The following RIMS1 variants were observed in gnomAD, a reference collection of about 807,000 sequenced individuals.
RIMS1 encodes regulating synaptic membrane exocytosis 1.
RIMS1 carries 83 observed loss-of-function variants against 214.1 expected under a neutral mutation model. The observed-to-expected ratio is 0.39, with a 90% CI of 0.32 to 0.47. The LOEUF (loss-of-function observed/expected upper bound fraction) is 0.47. RIMS1 is among the 20% of genes least tolerant of loss of function. The pLI is 0.99. For synonymous variants in RIMS1, 793 were observed against 786.8 expected, an observed-to-expected ratio of 1.01 and a Z score of -0.13; for missense variants, 2,050 against 2,161.8, an observed-to-expected ratio of 0.95 and a Z score of 1.03.
intron 2 of RIMS1, among the ~76,000 whole-genome samples, chr6:72,021,253 A>G (rs1814585068): frequency 6.6e-6 from 1 of 152,210 alleles, no homozygotes; most frequent in South Asian, 2.1e-4. Context: ...TTCTGTTGAA[A>G]TTAAAGAATT....
intron 2 of RIMS1, among the ~76,000 whole-genome samples, chr6:72,050,927 C>T (rs192307586): frequency 9.9e-5 from 15 of 152,220 alleles, no homozygotes; most frequent in Admixed American, 9.2e-4. Flanking sequence ...GCCCCTTTCT[C>T]CAGTTCCAAT....
Position 72,320,708 on chromosome 6 carries a change from A to G in RIMS1, c.4130+7036A>G, listed in dbSNP as rs558752154. Among the ~76,000 whole-genome samples, 5 of 152,124 alleles carry G rather than the reference A, an allele frequency of 3.3e-5. No homozygotes were observed. The East Asian group carries it at 9.6e-4, about 29-fold the overall frequency. On this transcript the variant is annotated intron_variant, in intron 28 of 33. Transcript: ENST00000521978. ...ATATTATGTTTATTATACACTTGGT[A>G]TATGAGATAAATACTTATTATTGTT... is the stretch of plus-strand genomic sequence containing the variant.
chr6:71,905,687 G>A (rs748425666), intron 1 of RIMS1, among the ~76,000 whole-genome samples: 7 of 152,140 alleles, frequency 4.6e-5, no homozygotes, highest in Non-Finnish European at 1.0e-4. Flanking sequence ...GGATTTGAGT[G>A]AGAAGAGCGT....
intron 2 of RIMS1, among the ~76,000 whole-genome samples, chr6:72,009,623 T>C (rs1167969539): frequency 6.7e-6 from 1 of 148,650 alleles, no homozygotes; most frequent in African/African-American, 2.5e-5. Context: ...ATAGACTCAA[T>C]AAAAAAATGA....
rs1390205602 is a variant in RIMS1, at chr6:72,259,118, G to C, written c.3053+7G>C. 1 of 1,610,038 alleles carries C rather than the reference G, an allele frequency of 6.2e-7. No individual in the cohort carries two copies. Among genetic ancestry groups the C allele is most frequent in the African/African-American group, 1.3e-5 (1 of 74,892 alleles). On this transcript the variant is annotated splice_region_variant and intron_variant, in intron 18 of 33. Coordinates refer to ENST00000521978, the MANE Select transcript of RIMS1 (RefSeq NM_014989.7). ...ATTTATCAGAACAAGACAGGTATTT[G>C]TCAAAATTATGATCTCAACGTTATG... is the stretch of plus-strand genomic sequence containing the variant.
At chr6:72,279,363 T>A (rs1461897446) in intron 23 of RIMS1, among the ~76,000 whole-genome samples, 2 of 152,036 alleles carry the variant, frequency 1.3e-5, no homozygotes, top group Admixed American at 6.6e-5. Context: ...CTAGCTTTGA[T>A]TTAATAATAA....
At chr6:72,292,283 A>G (rs577075175) in intron 26 of RIMS1, among the ~76,000 whole-genome samples, 2 of 152,260 alleles carry the variant, frequency 1.3e-5, no homozygotes, top group Admixed American at 6.5e-5. Context: ...ATTTAACAGA[A>G]GGGATTTAGG....
At position 72,144,570 on chromosome 6, in the gene RIMS1, A is replaced by ATTTGGG. The variant is rs569460348; in HGVS notation, c.472-35003_472-34998dup. Among the ~76,000 whole-genome samples, 435 of 151,988 alleles carry ATTTGGG rather than the reference A, an allele frequency of 2.9e-3. 2 individuals carry two copies. The highest frequency in any genetic ancestry group is 3.8e-3 in the Non-Finnish European group (259 of 67,952). On this transcript the variant is annotated intron_variant, in intron 4 of 33. Coordinates refer to ENST00000521978, the MANE Select transcript of RIMS1 (RefSeq NM_014989.7). The stretch of plus-strand genomic sequence containing the variant: ...GGTGGCTACAGTTGTGCCTGCTAAG[A>ATTTGGG]TTTGGGTGCATGGGGCTTCGCTTTG...
intron 6 of RIMS1, among the ~76,000 whole-genome samples, chr6:72,189,775 C>T (rs1056339241): frequency 6.6e-6 from 1 of 152,220 alleles, no homozygotes; most frequent in Non-Finnish European, 1.5e-5. Flanking sequence ...GTTCATGGGC[C>T]CATTGGGCGA....
chr6:72,108,330 T>C (rs1587140387), intron 4 of RIMS1, among the ~76,000 whole-genome samples: 2 of 152,248 alleles, frequency 1.3e-5, no homozygotes, highest in South Asian at 4.1e-4. Flanking sequence ...GCTCAAGTGA[T>C]CCTCCTGCCT....
chr6:72,131,213 A>C (rs966128989), intron 4 of RIMS1, among the ~76,000 whole-genome samples: 1 of 152,220 alleles, frequency 6.6e-6, no homozygotes, highest in Non-Finnish European at 1.5e-5. Context: ...TATACTGAGC[A>C]TAGTGGAAAG....
intron 4 of RIMS1, among the ~76,000 whole-genome samples, chr6:72,139,275 C>T (rs560096483): frequency 6.6e-6 from 1 of 152,186 alleles, no homozygotes; most frequent in East Asian, 1.9e-4. Context: ...CCCCTTCACA[C>T]ACTGGTTACT....
chr6:72,188,718 T>A (rs2049548917), intron 6 of RIMS1, among the ~76,000 whole-genome samples: 1 of 152,226 alleles, frequency 6.6e-6, no homozygotes, highest in Non-Finnish European at 1.5e-5. Flanking sequence ...CCTGAGGGTC[T>A]GGGCCATTTG....
chr6:72,163,947 G>A (rs866792708), intron 4 of RIMS1, among the ~76,000 whole-genome samples: 1 of 152,180 alleles, frequency 6.6e-6, no homozygotes, highest in Non-Finnish European at 1.5e-5. Flanking sequence ...AGTCTCCAGA[G>A]GTTTCTGCTG....
At position 72,187,183 on chromosome 6, in the gene RIMS1, G is replaced by T. The variant is rs1588759217; in HGVS notation, c.1678+4034G>T. ...GAAAGGAGGGAAGGAAGAGAGGAAT[G>T]AAGGAAGGAAGGAAGGGAGGGCTCA... On this transcript the variant is annotated intron_variant, in intron 6 of 33. Coordinates refer to ENST00000521978, the MANE Select transcript of RIMS1 (RefSeq NM_014989.7). 5.9e-5 allele frequency among the ~76,000 whole-genome samples: 9 copies of T among 152,102 alleles called. No individual in the cohort carries two copies. In the South Asian group the frequency reaches 1.9e-3, roughly 32 times the overall value.
At chr6:72,102,406 A>G (rs891359256) in intron 4 of RIMS1, among the ~76,000 whole-genome samples, 7 of 152,038 alleles carry the variant, frequency 4.6e-5, no homozygotes, top group Admixed American at 2.0e-4. Flanking sequence ...TTCTTTCAAC[A>G]TATGAAAGCT....
chr6:72,079,726 A>T (rs1437968111), intron 2 of RIMS1, among the ~76,000 whole-genome samples: 1 of 152,020 alleles, frequency 6.6e-6, no homozygotes, highest in Non-Finnish European at 1.5e-5. Context: ...TCTACAAAAA[A>T]ATTTAAAAAT....
rs533245904 is a variant in RIMS1, at chr6:72,223,064, T to C, written c.1679-10709T>C. On this transcript the variant is annotated intron_variant, in intron 6 of 33. Coordinates refer to ENST00000521978, the MANE Select transcript of RIMS1 (RefSeq NM_014989.7). Reference sequence around the variant, plus strand: ...ACCATTTTCCCATTTACAGTGTGCATCTTTAATGGTTTTGTGGGGTTGAAT... The same window carrying C: ...ACCATTTTCCCATTTACAGTGTGCACCTTTAATGGTTTTGTGGGGTTGAAT... 1.9e-4 allele frequency among the ~76,000 whole-genome samples: 29 copies of C among 152,338 alleles called. No individual in the cohort carries two copies. The South Asian group carries it at 5.8e-3, about 30-fold the overall frequency.
intron 1 of RIMS1, among the ~76,000 whole-genome samples, chr6:71,909,239 C>G (rs1776204172): frequency 6.6e-6 from 1 of 152,174 alleles, no homozygotes; most frequent in Non-Finnish European, 1.5e-5. Flanking sequence ...TCAAGTAATC[C>G]ACCTGCCTCG....
Sources: allele counts gnomAD v4.1 joint callset (sites outside exome capture counted in the v4.1 genomes callset), GRCh38; gene constraint gnomAD v4.1.1; transcripts MANE v1.5; gene names NCBI Gene and HGNC (gene_info 2026-07-23, HGNC 2026-07-21).